The following MAST4 variants were observed in gnomAD, a reference collection of about 807,000 sequenced individuals.
MAST4 encodes the protein microtubule-associated serine/threonine-protein kinase 4.
MAST4 carries 89 observed loss-of-function variants against 162.7 expected under a neutral mutation model. The observed-to-expected ratio is 0.55, with a 90% confidence interval of 0.46 to 0.65. The LOEUF (loss-of-function observed/expected upper bound fraction) is 0.65, where lower values mean the gene tolerates loss of function less well. MAST4 is among the 30% of genes least tolerant of loss of function. The pLI, the probability that MAST4 is intolerant of heterozygous loss-of-function variation, is 0.00. For synonymous variants in MAST4, 1,479 were observed against 1,361.1 expected, an observed-to-expected ratio of 1.09 and a Z score of -1.91; for missense variants, 3,153 against 3,374.0, an observed-to-expected ratio of 0.93 and a Z score of 1.62.
At chr5:66,613,218 A>G (rs1008681560) in intron 1 of MAST4, among the ~76,000 whole-genome samples, 2 of 152,136 alleles carry the variant, frequency 1.3e-5, no homozygotes, top group South Asian at 4.1e-4. Context: ...GCCCGGCCCA[A>G]TTAATACCAT....
chr5:66,937,895 T>A (rs1480880230), intron 4 of MAST4, among the ~76,000 whole-genome samples: 1 of 152,112 alleles, frequency 6.6e-6, no homozygotes, highest in Non-Finnish European at 1.5e-5. Context: ...AACCCATATT[T>A]TTTTATGATT....
At chr5:66,776,679 T>A (rs562060714) in intron 2 of MAST4, among the ~76,000 whole-genome samples, 3 of 152,180 alleles carry the variant, frequency 2.0e-5, no homozygotes, top group African/African-American at 7.2e-5. Context: ...GAGAGACAGA[T>A]GGAAAGTCAA....
intron 4 of MAST4, among the ~76,000 whole-genome samples, chr5:66,921,370 C>T (rs1764522531): frequency 6.6e-6 from 1 of 152,142 alleles, no homozygotes; most frequent in Non-Finnish European, 1.5e-5. Flanking sequence ...TAAACTGCAG[C>T]CCACCTTCGT....
intron 2 of MAST4, among the ~76,000 whole-genome samples, chr5:66,765,289 C>G (rs1021698231): frequency 6.6e-6 from 1 of 152,078 alleles, no homozygotes; most frequent in Non-Finnish European, 1.5e-5. Flanking sequence ...GCCACAGATT[C>G]CAGGTTCCAG....
chr5:67,004,840 G>A (rs887611348), intron 4 of MAST4: 13 of 604,462 alleles, frequency 2.2e-5, no homozygotes, highest in Non-Finnish European at 3.3e-5. Flanking sequence ...AGTTGTTCTT[G>A]AGATCACAGT....
In MAST4 at chr5:67,163,408, C is replaced by T; in HGVS notation, c.4229C>T (p.Ala1410Val). ...LGHSLGNSKI[A>V]QAFPSKMHSP... The stretch of plus-strand genomic sequence containing the variant: ...CACTCACTGGGCAATTCCAAGATCG[C>T]GCAAGCCTTTCCCAGCAAGATGCAC... Residue 1410 changes from alanine (A) to valine (V), a missense_variant, in exon 29 of 29, where the codon GCG becomes GTG. Transcript: ENST00000403625. This position sits in a 1 kb window ranked among gnomAD's most constrained non-coding sequence, Gnocchi z 7.0. 1 of 1,612,790 alleles carries T rather than the reference C, an allele frequency of 6.2e-7. No individual in the cohort carries two copies. Among genetic ancestry groups the T allele is most frequent in the Admixed American group, 1.7e-5 (1 of 60,026 alleles).
intron 4 of MAST4, among the ~76,000 whole-genome samples, chr5:66,968,767 T>C (rs779871675): frequency 5.9e-5 from 9 of 152,212 alleles, no homozygotes; most frequent in Non-Finnish European, 1.3e-4. Context: ...TAGTAAGTTA[T>C]AGCCATCAAA....
rs531299996 is a variant in MAST4, at chr5:66,836,822, A to G, written c.642+48028A>G. ...TTGGGAGGAGGGTGAGGACAAAAAA[A>G]TGACATAGGGGGTGCTATGCTTATT... On this transcript the variant is annotated intron_variant, in intron 3 of 28. Coordinates refer to ENST00000403625, the MANE Select transcript of MAST4 (RefSeq NM_001164664.2). Among the ~76,000 whole-genome samples the G allele has an allele frequency of 6.0e-4, 92 of 152,296 alleles. 1 individual carries two copies. The highest frequency in any genetic ancestry group is 2.2e-3 in the African/African-American group (92 of 41,570).
rs370992352 is a variant in MAST4 at position 66,865,404 on chromosome 5, A to C, written c.643-34547A>C. ...GGTTGCATGCAGGATTACACTAGTC[A>C]GTACACAAATAGTTTTAATTTAGCA... On this transcript the variant is annotated intron_variant, in intron 3 of 28. Coordinates refer to ENST00000403625, the MANE Select transcript of MAST4 (RefSeq NM_001164664.2). Among the ~76,000 whole-genome samples the C allele has an allele frequency of 7.8e-5, 11 of 140,746 alleles. No homozygotes were observed. In the East Asian group the frequency reaches 2.2e-3, roughly 28 times the overall value. 92.3% of individuals were successfully genotyped at this position (140,746 alleles called of 152,430 possible).
intron 8 of MAST4, among the ~76,000 whole-genome samples, chr5:67,100,938 C>A (rs920230859): frequency 6.6e-6 from 1 of 152,174 alleles, no homozygotes; most frequent in African/African-American, 2.4e-5. Flanking sequence ...AGAAGGACAA[C>A]AAGAATAGGA....
At chr5:66,941,494 G>C (rs1473418072) in intron 4 of MAST4, among the ~76,000 whole-genome samples, 2 of 152,114 alleles carry the variant, frequency 1.3e-5, no homozygotes, top group Non-Finnish European at 2.9e-5. Context: ...GAATTGAAGA[G>C]AATTAAGACT....
chr5:67,090,743 T>C (rs1337954464), intron 6 of MAST4, among the ~76,000 whole-genome samples: 2 of 151,704 alleles, frequency 1.3e-5, no homozygotes, highest in Non-Finnish European at 2.9e-5. Context: ...CAAGAGGAAG[T>C]GTTTTCATTG....
intron 3 of MAST4, among the ~76,000 whole-genome samples, chr5:66,839,289 C>G (rs528373884): frequency 4.3e-4 from 65 of 152,152 alleles, no homozygotes; most frequent in African/African-American, 1.6e-3. Flanking sequence ...CATCTAGGTG[C>G]AGATGTTCAG....
At chr5:66,769,318 T>A (rs1431487684) in intron 2 of MAST4, among the ~76,000 whole-genome samples, 3 of 151,820 alleles carry the variant, frequency 2.0e-5, no homozygotes, top group Non-Finnish European at 4.4e-5. Flanking sequence ...CCAAAGCCAG[T>A]GGGAATTTGG....
chr5:66,662,688 T>C lies in MAST4; in HGVS notation c.363+65670T>C, dbSNP rs370737819. 24 of 152,144 alleles carry C rather than the reference T, an allele frequency of 1.6e-4. No individual in the cohort carries two copies. The East Asian group carries it at 4.6e-3, about 29-fold the overall frequency. 9.4% of individuals were successfully genotyped at this position (152,144 alleles called of 1,614,324 possible). ...ATTGCTTCCATCTGTTTAAAGATAA[T>C]GAAAATAAGAAATTGGAAAAAAAAA... On this transcript the variant is annotated intron_variant, in intron 1 of 28. Coordinates refer to ENST00000403625, the MANE Select transcript of MAST4 (RefSeq NM_001164664.2).
intron 2 of MAST4, 65 bp from the exon 3 acceptor site, chr5:66,788,605 C>CCCCCTT: frequency 7.4e-7 from 1 of 1,344,528 alleles, no homozygotes; most frequent in Admixed American, 1.8e-5. Flanking sequence ...CACCCCCACC[C>CCCCCTT]CCATTGCAAT....
At chr5:66,754,555 G>T (rs760217564) in intron 1 of MAST4, among the ~76,000 whole-genome samples, 1 of 151,802 alleles carries the variant, frequency 6.6e-6, no homozygotes, top group Non-Finnish European at 1.5e-5. Flanking sequence ...TTTTTTTCCT[G>T]TTATATTTTA....
intron 2 of MAST4, among the ~76,000 whole-genome samples, chr5:66,782,631 T>C (rs1472319774): frequency 6.6e-6 from 1 of 152,268 alleles, no homozygotes; most frequent in African/African-American, 2.4e-5. Context: ...ATTTGATACA[T>C]GTTTCAATAA....
At chr5:66,900,003 T>G in intron 4 of MAST4, 21 bp downstream of exon 4, 1 of 1,483,672 alleles carries the variant, frequency 6.7e-7, no homozygotes, top group South Asian at 1.4e-5. Context: ...GTATTTTGTT[T>G]CCTTGTTTTC....
Sources: allele counts gnomAD v4.1 joint callset (sites outside exome capture counted in the v4.1 genomes callset), GRCh38; gene constraint gnomAD v4.1.1; non-coding constraint Gnocchi (gnomAD v3.1); transcripts MANE v1.5; gene names NCBI Gene and HGNC (gene_info 2026-07-23, HGNC 2026-07-21).